MACROD2: variants seen among roughly 807,000 people sequenced by gnomAD.
MACROD2 encodes the protein mono-ADP ribosylhydrolase 2.
Under a neutral mutation model 70.4 loss-of-function variants are expected in MACROD2, and 36 were observed. The observed-to-expected ratio is 0.51, with a 90% CI of 0.39 to 0.68. The LOEUF is 0.68. Ranked by LOEUF, MACROD2 falls within the 30% of genes least tolerant of loss-of-function variation. MACROD2 has a pLI of 0.00. For synonymous variants in MACROD2, 172 were observed against 178.8 expected (o/e 0.96, Z 0.30); for missense variants, 496 against 538.4 (o/e 0.92, Z 0.78).
intron 5 of MACROD2, among the ~76,000 whole-genome samples, chr20:14,854,628 G>A (rs766542883): frequency 1.3e-5 from 2 of 152,106 alleles, no homozygotes; most frequent in Non-Finnish European, 2.9e-5. Context: ...AAATCCTTAA[G>A]CTTGTCACTC....
At chr20:14,034,895 C>A (rs2053289150) in intron 2 of MACROD2, among the ~76,000 whole-genome samples, 1 of 152,008 alleles carries the variant, frequency 6.6e-6, no homozygotes, top group South Asian at 2.1e-4. Context: ...TACTTATTGT[C>A]TTGATGTGTA....
intron 7 of MACROD2, among the ~76,000 whole-genome samples, chr20:15,434,930 C>T (rs938169698): frequency 1.3e-5 from 2 of 152,082 alleles, no homozygotes; most frequent in Admixed American, 1.3e-4. Context: ...AATGGGAAGT[C>T]AAGTATTGTA....
rs1304363118 is a variant in MACROD2 at position 15,887,208 on chromosome 20, G to A, written c.775+1397G>A. ...TAAGTTATATCTCTCTCCCTCCCCG[G>A]ACTGCCCACTATCTTCAAGGGGAAA... On this transcript the variant is annotated intron_variant, in intron 10 of 17. Coordinates refer to ENST00000684519, the MANE Select transcript of MACROD2 (RefSeq NM_001351661.2). 2.0e-5 allele frequency among the ~76,000 whole-genome samples: 3 copies of A among 152,054 alleles called. No homozygotes were observed. The East Asian group carries it at 5.8e-4, about 29-fold the overall frequency.
intron 8 of MACROD2, among the ~76,000 whole-genome samples, chr20:15,548,789 GT>G (rs1258232160): frequency 2.6e-5 from 4 of 152,154 alleles, no homozygotes; most frequent in Non-Finnish European, 5.9e-5. Flanking sequence ...GTTCTCATGA[GT>G]TACCTTCCTT....
intron 8 of MACROD2, among the ~76,000 whole-genome samples, chr20:15,709,403 G>A (rs1210194045): frequency 1.3e-5 from 2 of 152,172 alleles, no homozygotes; most frequent in Non-Finnish European, 2.9e-5. Context: ...GCTCATGTCT[G>A]TAATCCCAGC....
chr20:15,704,529 A>G (rs887318586), intron 8 of MACROD2, among the ~76,000 whole-genome samples: 3 of 152,216 alleles, frequency 2.0e-5, no homozygotes, highest in Non-Finnish European at 4.4e-5. Context: ...AGTGTCTACC[A>G]GAGCAGTACT....
intron 8 of MACROD2, among the ~76,000 whole-genome samples, chr20:15,835,087 C>T (rs2064098641): frequency 6.6e-6 from 1 of 152,194 alleles, no homozygotes; most frequent in African/African-American, 2.4e-5. Context: ...CCAGGGCCTC[C>T]TGCCAATAGC....
At chr20:14,481,612 T>C (rs539535897) in intron 3 of MACROD2, among the ~76,000 whole-genome samples, 13 of 152,354 alleles carry the variant, frequency 8.5e-5, no homozygotes, top group Non-Finnish European at 1.9e-4. Context: ...TTTGTGGGCA[T>C]TGGATATCCA....
chr20:14,820,064 G>A (rs533205169), intron 5 of MACROD2, among the ~76,000 whole-genome samples: 7 of 152,228 alleles, frequency 4.6e-5, no homozygotes, highest in African/African-American at 1.7e-4. Flanking sequence ...GGTGGACAGA[G>A]TAGATTTCTT....
At chr20:14,265,827 A>G (rs1199382506) in intron 3 of MACROD2, among the ~76,000 whole-genome samples, 29 of 138,366 alleles carry the variant, frequency 2.1e-4, no homozygotes, top group Non-Finnish European at 2.3e-4. Context: ...CCCAGGCTGG[A>G]GTGCAGTGGC....
rs144932572 is a variant in MACROD2, at chr20:14,293,573, G to A, written c.272-199906G>A. On this transcript the variant is annotated intron_variant, in intron 3 of 17. Coordinates refer to ENST00000684519, the MANE Select transcript of MACROD2 (RefSeq NM_001351661.2). Reference sequence around the variant, plus strand: ...ACCAAAACTGTTGCTAGATGTGCGGGCTGGGGAGTGGTAAGGTGTGAGTTC... The same window carrying A: ...ACCAAAACTGTTGCTAGATGTGCGGACTGGGGAGTGGTAAGGTGTGAGTTC... Among the ~76,000 whole-genome samples the A allele has an allele frequency of 1.6e-4, 25 of 151,956 alleles. No individual in the cohort carries two copies. In the East Asian group the frequency reaches 4.6e-3, roughly 28 times the overall value.
At chr20:14,501,240 G>A (rs1445404945) in intron 4 of MACROD2, among the ~76,000 whole-genome samples, 1 of 151,938 alleles carries the variant, frequency 6.6e-6, no homozygotes, top group Non-Finnish European at 1.5e-5. Context: ...TGAATAGATG[G>A]GGAATGAAAT....
chr20:14,892,928 C>T (rs6135293), intron 5 of MACROD2: 1 of 152,238 alleles, frequency 6.6e-6, no homozygotes, highest in Non-Finnish European at 1.5e-5. Flanking sequence ...ATCCTCCTGC[C>T]TTGGCTTCCC....
chr20:15,505,592 TG>T (rs1194289739), intron 8 of MACROD2, among the ~76,000 whole-genome samples: 1 of 152,138 alleles, frequency 6.6e-6, no homozygotes, highest in Non-Finnish European at 1.5e-5. Flanking sequence ...TCCTTCCCGC[TG>T]CACTACTCCA....
At chr20:15,176,994 A>T (rs1347508386) in intron 5 of MACROD2, among the ~76,000 whole-genome samples, 2 of 152,152 alleles carry the variant, frequency 1.3e-5, no homozygotes, top group Non-Finnish European at 2.9e-5. Context: ...ACAGCCTTGA[A>T]TGGAGCTGGC....
intron 5 of MACROD2, among the ~76,000 whole-genome samples, chr20:14,728,687 A>G (rs565439312): frequency 6.6e-6 from 1 of 152,350 alleles, no homozygotes; most frequent in African/African-American, 2.4e-5. Context: ...TTATTTAAAA[A>G]AATTAGTTCA....
chr20:15,918,075 A>G (rs551398291), intron 10 of MACROD2, among the ~76,000 whole-genome samples: 9 of 152,304 alleles, frequency 5.9e-5, no homozygotes, highest in African/African-American at 2.2e-4. Context: ...TTAAAGGGTC[A>G]ATGAATCAGG....
At chr20:14,058,232 G>A (rs906851894) in intron 2 of MACROD2, among the ~76,000 whole-genome samples, 7 of 151,692 alleles carry the variant, frequency 4.6e-5, no homozygotes, top group East Asian at 3.9e-4. Flanking sequence ...CTCAAATTAC[G>A]GTAAGCAAAA....
intron 3 of MACROD2, among the ~76,000 whole-genome samples, chr20:14,459,887 C>T (rs1237032767): frequency 6.6e-6 from 1 of 152,008 alleles, no homozygotes; most frequent in Non-Finnish European, 1.5e-5. Flanking sequence ...TCTCTCACCC[C>T]CTGACAGGCC....
Sources: allele counts gnomAD v4.1 joint callset (sites outside exome capture counted in the v4.1 genomes callset), GRCh38; gene constraint gnomAD v4.1.1; transcripts MANE v1.5; gene names NCBI Gene and HGNC (gene_info 2026-07-23, HGNC 2026-07-21).